Variants in ARFGEF1 observed in about 807,000 individuals in gnomAD.
ARFGEF1 encodes ARF guanine nucleotide exchange factor 1.
In ARFGEF1, 42 loss-of-function variants were observed where a neutral mutation model predicts 231.0. The ratio of observed to expected loss-of-function variants is 0.18; its 90% CI spans 0.14 to 0.24. The LOEUF is 0.24. Among genes scored for constraint, ARFGEF1 ranks in the 10% least tolerant of loss-of-function variants. The probability of loss-of-function intolerance (pLI) is 1.00; values close to 1 mark genes in which losing one functional copy is unlikely to be tolerated. For missense variants in ARFGEF1, 1,345 were observed against 2,192.0 expected (o/e 0.61, Z 7.72); for synonymous variants, 710 against 732.3 (o/e 0.97, Z 0.49).
intron 20 of ARFGEF1, 45 bp downstream of exon 20, chr8:67,240,117 T>C: frequency 6.3e-7 from 1 of 1,593,950 alleles, no homozygotes; most frequent in Non-Finnish European, 8.5e-7. Flanking sequence ...ATGGCATAGG[T>C]AATTAATGTT....
chr8:67,180,023 TAAAA>T (rs768421527), intron 5 of ARFGEF1: 54 of 473,598 alleles, frequency 1.1e-4, no homozygotes, highest in Non-Finnish European at 1.3e-4. Context: ...TACAAGGTAG[TAAAA>T]AAAAAAAAAG....
At chr8:67,341,324 A>AT (rs1472351387) in intron 1 of ARFGEF1, among the ~76,000 whole-genome samples, 1 of 151,744 alleles carries the variant, frequency 6.6e-6, no homozygotes, top group African/African-American at 2.4e-5. Flanking sequence ...GAGGTAGCTC[A>AT]TGCCTATAAA....
intron 19 of ARFGEF1, among the ~76,000 whole-genome samples, chr8:67,251,060 G>A: frequency 6.6e-6 from 1 of 152,106 alleles, no homozygotes; most frequent in Non-Finnish European, 1.5e-5. Flanking sequence ...ACTTTTCTTT[G>A]CTTAATTCCT....
Position 67,272,483 on chromosome 8 carries a change from G to GA in ARFGEF1, c.1338-548dup, listed in dbSNP as rs199900883. Among the ~76,000 whole-genome samples the GA allele has an allele frequency of 2.7e-4, 39 of 146,288 alleles. 1 individual carries two copies. The highest frequency in any genetic ancestry group is 7.6e-5 in the Non-Finnish European group (5 of 66,158). ...GCCTGGCCCACAAACTTTTTAAAAA[G>GA]AAAAAAAAAATTCACAAATATTTAA... On this transcript the variant is annotated intron_variant, in intron 9 of 38. Coordinates refer to ENST00000262215, the MANE Select transcript of ARFGEF1 (RefSeq NM_006421.5).
At chr8:67,185,861 GCAT>G (rs768341729) in intron 5 of ARFGEF1, among the ~76,000 whole-genome samples, 2 of 152,032 alleles carry the variant, frequency 1.3e-5, no homozygotes, top group Non-Finnish European at 2.9e-5. Context: ...AGACTCAAAA[GCAT>G]CATCAACACC....
Position 67,343,517 on chromosome 8 carries a change from GCCGCGCCCGTCGGGCCT to G in ARFGEF1, c.-247_-231del. 8.3e-7 allele frequency: 1 copy of G among 1,197,754 alleles called. No individual in the cohort carries two copies. Among genetic ancestry groups the G allele is most frequent in the Non-Finnish European group, 1.0e-6 (1 of 963,228 alleles). 74.2% of individuals were successfully genotyped at this position (1,197,754 alleles called of 1,614,324 possible). On this transcript the variant is annotated 5_prime_UTR_variant, in exon 1 of 39. Transcript: ENST00000262215. ...GCCCCCAAGAAGCCGTACCTCGAGGGCCGCGCCCGTCGGGCCTCCGCTTCTCCCGGCCCGGGGGTCGC... is the reference window on the plus strand; with the variant it reads ...GCCCCCAAGAAGCCGTACCTCGAGGGCCGCTTCTCCCGGCCCGGGGGTCGC...
chr8:67,273,760 T>C (rs1302417148), intron 9 of ARFGEF1, among the ~76,000 whole-genome samples: 2 of 152,032 alleles, frequency 1.3e-5, no homozygotes, highest in African/African-American at 4.8e-5. Context: ...AATGCTTAGA[T>C]AAATCAAGTA....
intron 23 of ARFGEF1, among the ~76,000 whole-genome samples, chr8:67,229,724 A>T (rs920148274): frequency 6.6e-5 from 10 of 152,082 alleles, no homozygotes; most frequent in African/African-American, 2.4e-4. Flanking sequence ...TGGTCAGCTG[A>T]TTTCTCAAAC....
chr8:67,258,851 AC>A (rs1000266245), intron 15 of ARFGEF1, among the ~76,000 whole-genome samples: 2 of 151,692 alleles, frequency 1.3e-5, no homozygotes, highest in African/African-American at 4.8e-5. Flanking sequence ...ACACACACAC[AC>A]ACCAGTCATC....
At chr8:67,238,188 A>G (rs1839827716) in intron 22 of ARFGEF1, among the ~76,000 whole-genome samples, 155 bp downstream of exon 22, 1 of 152,010 alleles carries the variant, frequency 6.6e-6, no homozygotes, top group Non-Finnish European at 1.5e-5. Flanking sequence ...AGACCAGGCA[A>G]AAAAGATTTA....
chr8:67,266,829 T>A (rs1379446575), intron 13 of ARFGEF1, 47 bp downstream of exon 13: 1 of 1,479,926 alleles, frequency 6.8e-7, no homozygotes. Context: ...TCCAAAGTAT[T>A]ATTCACTTAA....
In ARFGEF1 at chr8:67,198,937, T is replaced by C; in HGVS notation, c.5547A>G (p.Gln1849=). The C allele has an allele frequency of 2.5e-6, 4 of 1,613,114 alleles. No individual in the cohort carries two copies. The highest frequency in any genetic ancestry group is 2.2e-5 in the South Asian group (2 of 90,854). The stretch of plus-strand genomic sequence containing the variant: ...CAACAAAAATATTAAGTTCCCATCA[T>C]TGCTTGTTTATTCCAAGTTCCTGTT... ...PPEQELGINK[Q] The change falls in exon 39 of 39, where the codon CAA becomes CAG. Residue 1849 remains glutamine, a synonymous_variant. Transcript: ENST00000262215.
intron 1 of ARFGEF1, among the ~76,000 whole-genome samples, chr8:67,323,252 A>T (rs1563915875): frequency 6.6e-6 from 1 of 151,560 alleles, no homozygotes; most frequent in Non-Finnish European, 1.5e-5. Context: ...ACTCCATCTC[A>T]ACAACAACAA....
chr8:67,216,746 G>A, intron 32 of ARFGEF1, 84 bp from the exon 33 acceptor site: 2 of 1,070,498 alleles, frequency 1.9e-6, no homozygotes, highest in Non-Finnish European at 2.7e-6. Flanking sequence ...GCCCAAGAAA[G>A]TAACAAGAAC....
Position 67,267,992 on chromosome 8 carries a change from C to T in ARFGEF1, c.1573-550G>A, listed in dbSNP as rs546850604. On this transcript the variant is annotated intron_variant, in intron 10 of 38. Transcript: ENST00000262215. The stretch of plus-strand genomic sequence containing the variant: ...ACTACATATGAACTATTTCTCACTA[C>T]TCTTTACACCAAATAATCAAGCAGT... Among the ~76,000 whole-genome samples the T allele has an allele frequency of 1.2e-4, 19 of 152,100 alleles. No homozygotes were observed. The South Asian group carries it at 3.5e-3, about 28-fold the overall frequency.
chr8:67,228,320 T>C, intron 23 of ARFGEF1, 56 bp from the exon 24 acceptor site: 4 of 1,519,624 alleles, frequency 2.6e-6, no homozygotes, highest in Non-Finnish European at 3.6e-6. Context: ...CTTATTCCAA[T>C]TGAAAAGTAT....
intron 33 of ARFGEF1, among the ~76,000 whole-genome samples, chr8:67,214,537 G>C (rs767608995): frequency 6.6e-6 from 1 of 152,178 alleles, no homozygotes; most frequent in Admixed American, 6.5e-5. Context: ...ATTAGGAAAT[G>C]AATTGTTAGG....
chr8:67,296,549 G>A lies in ARFGEF1; in HGVS notation c.521C>T (p.Ala174Val), dbSNP rs748343992. 1 of 1,613,904 alleles carries A rather than the reference G, an allele frequency of 6.2e-7. No individual in the cohort carries two copies. Among genetic ancestry groups the A allele is most frequent in the Non-Finnish European group, 8.5e-7 (1 of 1,179,922 alleles). The change falls in exon 5 of 39, where the codon GCT becomes GTT. Residue 174 changes from alanine (A) to valine (V), a missense_variant. Ala to Val is a moderately conservative substitution (Grantham distance 64). This residue lies in a region of ARFGEF1 where 398 missense variants were observed against 463.2 expected (regional missense o/e 0.86). Transcript: ENST00000262215. ...IEIHEGTVLQ[A>V]VRTCYNIYLA... ...GTAGATATTGTAACATGTTCTCACAGCTTGCAGTACAGTCCCTTCATGAAT... is the reference window on the plus strand; with the variant it reads ...GTAGATATTGTAACATGTTCTCACAACTTGCAGTACAGTCCCTTCATGAAT...
Position 67,287,970 on chromosome 8 carries a change from T to G in ARFGEF1, c.1012A>C (p.Asn338His), listed in dbSNP as rs775031644. 1 of 1,585,734 alleles carries G rather than the reference T, an allele frequency of 6.3e-7. No homozygotes were observed. Among genetic ancestry groups the G allele is most frequent in the Non-Finnish European group, 8.5e-7 (1 of 1,170,614 alleles). ...IVQNIVEEMV[N>H]IVVGDMGEGT... Reference sequence around the variant, plus strand: ...AGTATACTACCTCCAACAACAATGTTCACCATTTCTTCTACAATGTTCTGT... The same window carrying G: ...AGTATACTACCTCCAACAACAATGTGCACCATTTCTTCTACAATGTTCTGT... The change falls in exon 7 of 39, where the codon AAC (asparagine) becomes CAC (histidine). Residue 338 changes from asparagine to histidine, a missense_variant. By Grantham distance (68) the Asn-to-His change is moderately conservative. Around this residue, in one of 14 missense-constraint regions of ARFGEF1, gnomAD observed 398 missense variants for 463.2 expected, o/e 0.86. Transcript: ENST00000262215.
Sources: allele counts gnomAD v4.1 joint callset (sites outside exome capture counted in the v4.1 genomes callset), GRCh38; gene constraint gnomAD v4.1.1; regional missense constraint gnomAD v4.1.1; transcripts MANE v1.5; gene names NCBI Gene and HGNC (gene_info 2026-07-23, HGNC 2026-07-21).